Variants in CACNG3 observed in about 807,000 individuals in gnomAD.
The protein encoded by CACNG3 is calcium voltage-gated channel auxiliary subunit gamma 3, also known as voltage-dependent calcium channel gamma-3 subunit.
A neutral mutation model predicts 28.5 loss-of-function variants in CACNG3; 3 were observed. The ratio of observed to expected loss-of-function variants is 0.11; its 90% CI spans 0.05 to 0.27. CACNG3 has a LOEUF of 0.27. Among genes scored for constraint, CACNG3 ranks in the 10% least tolerant of loss-of-function variants. The pLI is 1.00. For synonymous variants in CACNG3, 174 were observed against 162.2 expected, an observed-to-expected ratio of 1.07 and a Z score of -0.55; for missense variants, 236 against 414.4, an observed-to-expected ratio of 0.57 and a Z score of 3.74.
chr16:24,285,723 T>C (rs1278497928), intron 1 of CACNG3, among the ~76,000 whole-genome samples: 1 of 151,854 alleles, frequency 6.6e-6, no homozygotes, highest in African/African-American at 2.4e-5. Context: ...AGATAATATG[T>C]ATATATAATT....
chr16:24,358,883 G>GAAAT (rs2141385702), intron 3 of CACNG3, among the ~76,000 whole-genome samples: 1 of 152,300 alleles, frequency 6.6e-6, no homozygotes, highest in African/African-American at 2.4e-5. Flanking sequence ...CTGTAAAAGA[G>GAAAT]AAATCATTTT....
intron 1 of CACNG3, among the ~76,000 whole-genome samples, chr16:24,344,653 C>G (rs528258920): frequency 6.6e-6 from 1 of 152,272 alleles, no homozygotes; most frequent in African/African-American, 2.4e-5. Flanking sequence ...GTCTTCTCTC[C>G]TGAACCTCCT....
chr16:24,299,643 A>G (rs896190129), intron 1 of CACNG3, among the ~76,000 whole-genome samples: 21 of 152,232 alleles, frequency 1.4e-4, no homozygotes, highest in African/African-American at 5.1e-4. Context: ...AACTATTTCC[A>G]TATTTATCTA....
chr16:24,350,963 A>G (rs928477084), intron 2 of CACNG3, among the ~76,000 whole-genome samples: 4 of 152,182 alleles, frequency 2.6e-5, no homozygotes, highest in African/African-American at 7.2e-5. Context: ...AAAATAAGCT[A>G]CACTCACTTA....
intron 1 of CACNG3, among the ~76,000 whole-genome samples, chr16:24,291,070 C>T (rs1898959437): frequency 6.6e-6 from 1 of 152,238 alleles, no homozygotes; most frequent in South Asian, 2.1e-4. Flanking sequence ...TCACTTCACT[C>T]TCCTGGGATG....
intron 1 of CACNG3, among the ~76,000 whole-genome samples, chr16:24,286,052 C>T (rs1407467369): frequency 6.6e-6 from 1 of 152,068 alleles, no homozygotes; most frequent in African/African-American, 2.4e-5. Flanking sequence ...CCATGTTTCC[C>T]AGGCTGTTCT....
chr16:24,284,111 T>C (rs1471605004), intron 1 of CACNG3, among the ~76,000 whole-genome samples: 1 of 152,206 alleles, frequency 6.6e-6, no homozygotes, highest in Non-Finnish European at 1.5e-5. Flanking sequence ...TAATTCCTTT[T>C]GGGGCAATTT....
At chr16:24,326,901 G>GC (rs1432252296) in intron 1 of CACNG3, among the ~76,000 whole-genome samples, 1 of 151,954 alleles carries the variant, frequency 6.6e-6, no homozygotes, top group Non-Finnish European at 1.5e-5. Context: ...CCATGATCTC[G>GC]CTCCCCTGCC....
chr16:24,304,115 A>AT (rs1899151424), intron 1 of CACNG3, among the ~76,000 whole-genome samples: 1 of 152,188 alleles, frequency 6.6e-6, no homozygotes, highest in Non-Finnish European at 1.5e-5. Flanking sequence ...GCAGGACTGG[A>AT]TTAATAGCAA....
chr16:24,317,761 G>C (rs1371507818), intron 1 of CACNG3, among the ~76,000 whole-genome samples: 2 of 152,136 alleles, frequency 1.3e-5, no homozygotes, highest in African/African-American at 4.8e-5. Flanking sequence ...TCCCACCCCA[G>C]ACCTGCTGAA....
chr16:24,342,786 A>G (rs1899809208), intron 1 of CACNG3, among the ~76,000 whole-genome samples: 1 of 152,314 alleles, frequency 6.6e-6, no homozygotes, highest in Non-Finnish European at 1.5e-5. Flanking sequence ...GCAGGTCACA[A>G]ATAATATTCT....
intron 1 of CACNG3, among the ~76,000 whole-genome samples, chr16:24,319,620 T>A (rs12597442): frequency 0.12 from 18,285 of 149,928 alleles, 1,268 homozygotes; most frequent in Admixed American, 0.21. Flanking sequence ...TTATTTAATT[T>A]ATTTATTTAT....
intron 2 of CACNG3, among the ~76,000 whole-genome samples, chr16:24,350,899 A>G (rs544000972): frequency 4.6e-5 from 7 of 152,200 alleles, no homozygotes; most frequent in Non-Finnish European, 8.8e-5. Context: ...CATAGGTCAT[A>G]TGTGTACATT....
At chr16:24,282,331 A>G (rs560382649) in intron 1 of CACNG3, among the ~76,000 whole-genome samples, 4 of 152,098 alleles carry the variant, frequency 2.6e-5, no homozygotes, top group Non-Finnish European at 4.4e-5. Flanking sequence ...ACACAGACTG[A>G]AGAGTCACAC....
chr16:24,317,562 G>GAA lies in CACNG3; in HGVS notation c.212-29170_212-29169dup, dbSNP rs1283224237. 7.6e-4 allele frequency among the ~76,000 whole-genome samples: 23 copies of GAA among 30,116 alleles called. No individual in the cohort carries two copies. The East Asian group carries it at 0.022, about 29-fold the overall frequency. The allele number at this position is 30,116 out of a possible 152,430, so 19.8% of individuals were successfully genotyped here. A position where few individuals can be genotyped will look rare whatever the true frequency, so the allele number is the denominator to read the frequency against. On this transcript the variant is annotated intron_variant, in intron 1 of 3. Transcript: ENST00000005284. ...CTCAAAAAAAAAAAAGAAAAAGAAA[G>GAA]AAAGAAAGAAAGAAAGAAAGAAAGA...
intron 1 of CACNG3, among the ~76,000 whole-genome samples, chr16:24,310,895 C>CCT (rs1315075616): frequency 6.6e-6 from 1 of 152,118 alleles, no homozygotes; most frequent in African/African-American, 2.4e-5. Flanking sequence ...CTTCCCTGAG[C>CCT]CTCTCAGTCA....
At chr16:24,339,666 G>A (rs55770340) in intron 1 of CACNG3, among the ~76,000 whole-genome samples, 5,110 of 152,248 alleles carry the variant, frequency 0.034, 119 homozygotes, top group Non-Finnish European at 0.048. Context: ...AATTACAGGC[G>A]TGAGCCACTG....
At chr16:24,258,894 A>T (rs569812678) in intron 1 of CACNG3, among the ~76,000 whole-genome samples, 1 of 152,336 alleles carries the variant, frequency 6.6e-6, no homozygotes, top group South Asian at 2.1e-4. Flanking sequence ...CTATGAAAAA[A>T]ATATATATCT....
intron 1 of CACNG3, among the ~76,000 whole-genome samples, chr16:24,314,872 T>C (rs1322697491): frequency 1.3e-5 from 2 of 151,714 alleles, no homozygotes; most frequent in Non-Finnish European, 1.5e-5. Context: ...GGGCTGCAGG[T>C]TCCGAGGGTT....
Sources: allele counts gnomAD v4.1 joint callset (sites outside exome capture counted in the v4.1 genomes callset), GRCh38; gene constraint gnomAD v4.1.1; transcripts MANE v1.5; gene names NCBI Gene and HGNC (gene_info 2026-07-23, HGNC 2026-07-21).